The following TLX1 variants were observed in gnomAD, a reference collection of about 807,000 sequenced individuals.
TLX1 encodes the protein T-cell leukemia homeobox protein 1.
Under a neutral mutation model 26.5 loss-of-function variants are expected in TLX1, and 6 were observed. The ratio of observed to expected loss-of-function variants is 0.23; its 90% confidence interval spans 0.12 to 0.45. The LOEUF is 0.45. Ranked by LOEUF, TLX1 falls within the 20% of genes least tolerant of loss-of-function variation. TLX1 has a pLI of 0.99. For synonymous variants in TLX1, 217 were observed against 219.7 expected (o/e 0.99, Z 0.11); for missense variants, 418 against 482.6 (o/e 0.87, Z 1.25).
chr10:101,136,760 G>T lies in TLX1; in HGVS notation c.840G>T (p.Gln280His). ...QANRILLQLQ[Q>H]EAFQKSLAQP... is the part of the protein sequence containing the mutation. ...ACCGCATCCTCCTGCAGTTGCAGCA[G>T]GAGGCCTTCCAGAAGAGCCTGGCAC... The change falls in exon 3 of 3, where the codon CAG (glutamine) becomes CAT (histidine). Residue 280 changes from glutamine (Q) to histidine (H), a missense_variant. Physicochemically the swap from Gln to His is conservative, Grantham distance 24. Transcript: ENST00000370196. The T allele has an allele frequency of 6.2e-7, 1 of 1,613,302 alleles. No homozygotes were observed. The highest frequency in any genetic ancestry group is 1.3e-5 in the African/African-American group (1 of 75,050).
In TLX1 at chr10:101,131,736, G is replaced by T; in HGVS notation, c.195G>T (p.Ala65=). The T allele has an allele frequency of 7.0e-7, 1 of 1,437,488 alleles. No homozygotes were observed. The highest frequency in any genetic ancestry group is 2.9e-5 in the East Asian group (1 of 34,820). 89.0% of individuals were successfully genotyped at this position (1,437,488 alleles called of 1,614,324 possible). A position where few individuals can be genotyped will look rare whatever the true frequency, so the allele number is the denominator to read the frequency against. The part of the protein sequence containing the change: ...YTYGGGGSAA[A]TGAGGAGAYG... ...ACGGCGGCGGGGGCTCCGCGGCCGC[G>T]ACGGGGGCTGGAGGAGCGGGGGCCT... The change falls in exon 1 of 3, where the codon GCG becomes GCT. Residue 65 remains alanine, a synonymous_variant. Transcript: ENST00000370196.
Position 101,136,979 on chromosome 10 carries a change from A to ACTC in TLX1, c.*71_*73dup. On this transcript the variant is annotated 3_prime_UTR_variant, in exon 3 of 3. Transcript: ENST00000370196. ...GGGTCACTGAGGCCTGAGACCCAGG[A>ACTC]CTCCTCCCCACCCTCCTGGCCTCAG... 6.4e-7 allele frequency: 1 copy of ACTC among 1,571,910 alleles called. No homozygotes were observed. Among genetic ancestry groups the ACTC allele is most frequent in the Non-Finnish European group, 8.7e-7 (1 of 1,155,136 alleles).
In TLX1 at chr10:101,134,276, A is replaced by C. The variant is rs1940241368; in HGVS notation, c.670A>C (p.Lys224Gln). The C allele has an allele frequency of 6.2e-7, 1 of 1,612,514 alleles. No homozygotes were observed. Among genetic ancestry groups the C allele is most frequent in the Non-Finnish European group, 8.5e-7 (1 of 1,179,554 alleles). The change falls in exon 2 of 3, where the codon AAG (lysine) becomes CAG (glutamine). Residue 224 changes from lysine (K) to glutamine (Q), a missense_variant. By Grantham distance (53) the Lys-to-Gln change is moderately conservative. This residue lies in a region of TLX1 where 322 missense variants were observed against 344.6 expected (regional missense o/e 0.93). Coordinates refer to ENST00000370196, the MANE Select transcript of TLX1 (RefSeq NM_005521.4). ...GCTGGAGAAGCGCTTCCACCGCCAG[A>C]AGTACCTGGCCTCGGCCGAGCGCGC... The part of the protein sequence containing the change: ...CELEKRFHRQ[K>Q]YLASAERAAL...
In TLX1 at chr10:101,136,684, G is replaced by T; in HGVS notation, c.771-7G>T. On this transcript the variant is annotated splice_polypyrimidine_tract_variant and splice_region_variant and intron_variant, in intron 2 of 2. Transcript: ENST00000370196. Reference sequence around the variant, plus strand: ...TCCTGGCAGGTAACGGCTTGTTCCCGGTGCAGACGGCAGACTGCGGAGGAA... The same window carrying T: ...TCCTGGCAGGTAACGGCTTGTTCCCTGTGCAGACGGCAGACTGCGGAGGAA... 6.2e-7 allele frequency: 1 copy of T among 1,611,834 alleles called. No individual in the cohort carries two copies. Among genetic ancestry groups the T allele is most frequent in the Non-Finnish European group, 8.5e-7 (1 of 1,179,892 alleles).
rs180989542 is a variant in TLX1, at chr10:101,136,778, C to T, written c.858C>T (p.Ser286=). 88 of 1,613,446 alleles carry T rather than the reference C, an allele frequency of 5.5e-5. No individual in the cohort carries two copies. The highest frequency in any genetic ancestry group is 7.4e-5 in the Non-Finnish European group (87 of 1,180,028). ...LQLQQEAFQK[S]LAQPLPADPL... Reference sequence around the variant, plus strand: ...TGCAGCAGGAGGCCTTCCAGAAGAGCCTGGCACAGCCGCTGCCCGCTGACC... The same window carrying T: ...TGCAGCAGGAGGCCTTCCAGAAGAGTCTGGCACAGCCGCTGCCCGCTGACC... Residue 286 remains serine, a synonymous_variant, in exon 3 of 3, where the codon AGC becomes AGT. Coordinates refer to ENST00000370196, the MANE Select transcript of TLX1 (RefSeq NM_005521.4).
In TLX1 at chr10:101,136,950, T is replaced by G; in HGVS notation, c.*37T>G. The G allele has an allele frequency of 6.2e-7, 1 of 1,606,260 alleles. No individual in the cohort carries two copies. The highest frequency in any genetic ancestry group is 8.5e-7 in the Non-Finnish European group (1 of 1,174,940). On this transcript the variant is annotated 3_prime_UTR_variant, in exon 3 of 3. Coordinates refer to ENST00000370196, the MANE Select transcript of TLX1 (RefSeq NM_005521.4). The stretch of plus-strand genomic sequence containing the variant: ...CTGCCCTGTGGGACCCCAGGCCCAC[T>G]CAGGGGTCACTGAGGCCTGAGACCC...
intron 1 of TLX1, among the ~76,000 whole-genome samples, chr10:101,133,330 G>A (rs1489104793): frequency 6.6e-6 from 1 of 152,240 alleles, no homozygotes; most frequent in Non-Finnish European, 1.5e-5. Flanking sequence ...CTGGGGCCAC[G>A]GCAGAAGTGG....
At chr10:101,135,653 G>A (rs1490998809) in intron 2 of TLX1, 1 of 152,240 alleles carries the variant, frequency 6.6e-6, no homozygotes, top group Non-Finnish European at 1.5e-5. Flanking sequence ...TTCAGAGGTG[G>A]AGAGGGATAG....
intron 2 of TLX1, 21 bp from the exon 3 acceptor site, chr10:101,136,670 A>G (rs757359577): frequency 8.1e-6 from 13 of 1,612,590 alleles, no homozygotes; most frequent in Non-Finnish European, 1.1e-5. Flanking sequence ...CCTGGCAGGT[A>G]ACGGCTTGTT....
At chr10:101,134,708 T>A (rs915100954) in intron 2 of TLX1, among the ~76,000 whole-genome samples, 1 of 152,236 alleles carries the variant, frequency 6.6e-6, no homozygotes, top group Non-Finnish European at 1.5e-5. Context: ...CAGGGATCTG[T>A]GAGTCCTGGG....
chr10:101,134,427 GCTCTCGGTTCATTGGC>G lies in TLX1; in HGVS notation c.770+58_770+73del, dbSNP rs767919002. The G allele has an allele frequency of 3.3e-5, 49 of 1,476,186 alleles. 1 individual carries two copies. The South Asian group carries it at 6.2e-4, about 19-fold the overall frequency. The allele number at this position is 1,476,186 out of a possible 1,614,324, so 91.4% of individuals were successfully genotyped here. A position where few individuals can be genotyped will look rare whatever the true frequency, so the allele number is the denominator to read the frequency against. ...CCCGCGAGCGGCGCGGTCTCAGGCA[GCTCTCGGTTCATTGGC>G]CTCTCGTGGGGCGCACATACTTTTT... On this transcript the variant is annotated intron_variant, in intron 2 of 2. Coordinates refer to ENST00000370196, the MANE Select transcript of TLX1 (RefSeq NM_005521.4).
Position 101,131,572 on chromosome 10 carries a change from C to T in TLX1, c.31C>T (p.Pro11Ser). 1 of 1,544,358 alleles carries T rather than the reference C, an allele frequency of 6.5e-7. No individual in the cohort carries two copies. The highest frequency in any genetic ancestry group is 1.2e-5 in the South Asian group (1 of 82,156). The part of the protein sequence containing the change: MEHLGPHHLH[P>S]GHAEPISFGI... ...GCACCTGGGTCCGCACCACCTCCAC[C>T]CGGGTCACGCAGAGCCCATTAGCTT... Residue 11 changes from proline (P) to serine (S), a missense_variant, in exon 1 of 3, where the codon CCG (proline) becomes TCG (serine). Coordinates refer to ENST00000370196, the MANE Select transcript of TLX1 (RefSeq NM_005521.4).
Position 101,136,991 on chromosome 10 carries a change from C to T in TLX1, c.*78C>T. The T allele has an allele frequency of 3.9e-6, 6 of 1,543,632 alleles. No homozygotes were observed. The highest frequency in any genetic ancestry group is 5.3e-6 in the Non-Finnish European group (6 of 1,138,828). ...CCTGAGACCCAGGACTCCTCCCCACCCTCCTGGCCTCAGACTGCACCCAGG... is the reference window on the plus strand; with the variant it reads ...CCTGAGACCCAGGACTCCTCCCCACTCTCCTGGCCTCAGACTGCACCCAGG... On this transcript the variant is annotated 3_prime_UTR_variant, in exon 3 of 3. Coordinates refer to ENST00000370196, the MANE Select transcript of TLX1 (RefSeq NM_005521.4).
rs1029118422 is a variant in TLX1 at position 101,137,056 on chromosome 10, C to T, written c.*143C>T. 1.8e-6 allele frequency: 2 copies of T among 1,092,628 alleles called. No individual in the cohort carries two copies. The highest frequency in any genetic ancestry group is 3.2e-5 in the African/African-American group (2 of 63,204). The allele number at this position is 1,092,628 out of a possible 1,614,324, so 67.7% of individuals were successfully genotyped here. Reference sequence around the variant, plus strand: ...CTCGCACGGCCCCGAAGGGCCCCCACATTTGTGCCGACACTGTTCTCCCTT... The same window carrying T: ...CTCGCACGGCCCCGAAGGGCCCCCATATTTGTGCCGACACTGTTCTCCCTT... On this transcript the variant is annotated 3_prime_UTR_variant, in exon 3 of 3. Transcript: ENST00000370196.
chr10:101,135,581 C>T (rs559183966), intron 2 of TLX1: 31 of 152,784 alleles, frequency 2.0e-4, no homozygotes, highest in African/African-American at 5.3e-4. Context: ...GCAGGCCTCC[C>T]AGAGAGAGGG....
chr10:101,136,711 G>C lies in TLX1; in HGVS notation c.791G>C (p.Arg264Pro). The change falls in exon 3 of 3, where the codon CGG becomes CCG. Residue 264 changes from arginine (R) to proline (P), a missense_variant. Around this residue, in one of 3 missense-constraint regions of TLX1, gnomAD observed 78 missense variants for 92.2 expected, o/e 0.85. Coordinates refer to ENST00000370196, the MANE Select transcript of TLX1 (RefSeq NM_005521.4). ...TGCAGACGGCAGACTGCGGAGGAAC[G>C]GGAGGCCGAGAGGCAGCAAGCGAAC... ...TKWRRQTAEE[R>P]EAERQQANRI... 1 of 1,612,854 alleles carries C rather than the reference G, an allele frequency of 6.2e-7. No individual in the cohort carries two copies. The highest frequency in any genetic ancestry group is 1.6e-4 in the Middle Eastern group (1 of 6,062).
chr10:101,133,732 C>T (rs1466089043), intron 1 of TLX1, among the ~76,000 whole-genome samples: 1 of 152,138 alleles, frequency 6.6e-6, no homozygotes, highest in African/African-American at 2.4e-5. Flanking sequence ...CCCCGTTGTA[C>T]GTTGTGTTGG....
rs1049048347 is a variant in TLX1, at chr10:101,137,169, T to C, written c.*256T>C. ...TGAACTGTTAAGAAATCTGTTTTTG[T>C]TTATTTCATTTTATTTTAATTTTTA... On this transcript the variant is annotated 3_prime_UTR_variant, in exon 3 of 3. Transcript: ENST00000370196. 1 of 493,044 alleles carries C rather than the reference T, an allele frequency of 2.0e-6. No homozygotes were observed. Among genetic ancestry groups the C allele is most frequent in the Non-Finnish European group, 3.6e-6 (1 of 280,352 alleles). The allele number at this position is 493,044 out of a possible 1,614,324, so 30.5% of individuals were successfully genotyped here. A position where few individuals can be genotyped will look rare whatever the true frequency, so the allele number is the denominator to read the frequency against.
chr10:101,131,574 G>A lies in TLX1; in HGVS notation c.33G>A (p.Pro11=), dbSNP rs1241620204. 5 of 1,545,810 alleles carry A rather than the reference G, an allele frequency of 3.2e-6. No homozygotes were observed. The highest frequency in any genetic ancestry group is 4.3e-6 in the Non-Finnish European group (5 of 1,150,918). ...ACCTGGGTCCGCACCACCTCCACCC[G>A]GGTCACGCAGAGCCCATTAGCTTCG... MEHLGPHHLH[P]GHAEPISFGI... Residue 11 remains proline (P), a synonymous_variant, in exon 1 of 3, where the codon CCG becomes CCA. Transcript: ENST00000370196.
Sources: gnomAD v4.1 joint callset for allele counts (sites outside exome capture counted in the v4.1 genomes callset) on GRCh38, gnomAD v4.1.1 for gene constraint, gnomAD v4.1.1 regional missense constraint, MANE v1.5 for transcripts, NCBI Gene and HGNC (gene_info 2026-07-23, HGNC 2026-07-21) for gene names.